Variants in PCDHA2 observed in about 807,000 individuals in gnomAD.
PCDHA2 encodes protocadherin alpha 2, also known as protocadherin alpha-2.
PCDHA2 carries 58 observed loss-of-function variants against 66.0 expected under a neutral mutation model. The observed-to-expected ratio is 0.88, with a 90% CI of 0.71 to 1.09. The LOEUF is 1.09. Ranked by LOEUF, PCDHA2 falls within the 50% of genes least tolerant of loss-of-function variation. The pLI is 0.00. For synonymous variants in PCDHA2, 634 were observed against 554.0 expected (o/e 1.14, Z -2.03); for missense variants, 1,267 against 1,242.3 (o/e 1.02, Z -0.30).
chr5:140,824,610 G>GTTTGT (rs1768197195), intron 1 of PCDHA2: 2 of 95,104 alleles, frequency 2.1e-5, no homozygotes, highest in African/African-American at 4.9e-5. Context: ...GCTAATTAAA[G>GTTTGT]TTTTTTTTTT....
chr5:140,807,709 A>C, intron 1 of PCDHA2: 1 of 1,614,254 alleles, frequency 6.2e-7, no homozygotes, highest in Non-Finnish European at 8.5e-7. Flanking sequence ...GACTGAGCCC[A>C]AATGAATACT....
chr5:140,876,953 T>G (rs1455444799), intron 1 of PCDHA2: 6 of 1,613,306 alleles, frequency 3.7e-6, no homozygotes, highest in African/African-American at 1.3e-5. Flanking sequence ...TCCTACTCGC[T>G]GGTGGAGCGG....
chr5:140,927,733 C>T (rs782446148), intron 1 of PCDHA2: 7 of 1,614,198 alleles, frequency 4.3e-6, no homozygotes, highest in South Asian at 2.2e-5. Context: ...AGCAGAGCTG[C>T]GACACCGCTT....
intron 1 of PCDHA2, among the ~76,000 whole-genome samples, chr5:140,879,173 G>A (rs1010561937): frequency 6.6e-6 from 1 of 152,278 alleles, no homozygotes; most frequent in Non-Finnish European, 1.5e-5. Context: ...AATAAATTAG[G>A]TATCAAGTAA....
intron 1 of PCDHA2, among the ~76,000 whole-genome samples, chr5:140,902,203 CT>C (rs148688132): frequency 0.19 from 23,745 of 124,094 alleles, 1,540 homozygotes; most frequent in African/African-American, 0.29. Flanking sequence ...CTCTCTCTTT[CT>C]TTTTTTTTTT....
intron 1 of PCDHA2, chr5:140,883,589 G>C (rs782300348): frequency 6.2e-7 from 1 of 1,614,014 alleles, no homozygotes; most frequent in Non-Finnish European, 8.5e-7. Context: ...CACGGCCAGC[G>C]TGTCGGTGGG....
chr5:140,867,871 A>G (rs1450375674), intron 1 of PCDHA2: 1 of 152,152 alleles, frequency 6.6e-6, no homozygotes, highest in Non-Finnish European at 1.5e-5. Flanking sequence ...TTAATTTTCT[A>G]TGTTTTAAGC....
chr5:140,869,287 C>T, intron 1 of PCDHA2: 1 of 1,613,538 alleles, frequency 6.2e-7, no homozygotes, highest in Non-Finnish European at 8.5e-7. Context: ...GCTGGTGCAG[C>T]GCCTGTTCCG....
rs76033389 is a variant in PCDHA2, at chr5:140,874,549, G to A, written c.2388+77197G>A. Among the ~76,000 whole-genome samples, 707 of 152,298 alleles carry A rather than the reference G, an allele frequency of 4.6e-3. 3 individuals are homozygous for A. The highest frequency in any genetic ancestry group is 0.016 in the African/African-American group (683 of 41,566). On this transcript the variant is annotated intron_variant, in intron 1 of 3. Transcript: ENST00000526136. ...GATTAGGCTCCAAAACCCTTTAAGA[G>A]ATCTTTCGCATTTTAGTGCTCCATT...
At chr5:140,966,360 A>T (rs1169207709) in intron 1 of PCDHA2, 1 of 400,440 alleles carries the variant, frequency 2.5e-6, no homozygotes, top group Non-Finnish European at 4.4e-6. Flanking sequence ...ATGGGGCTGG[A>T]GAGGCTGAGC....
intron 1 of PCDHA2, chr5:140,848,452 T>C (rs1402263047): frequency 1.3e-6 from 2 of 1,520,140 alleles, no homozygotes; most frequent in Non-Finnish European, 1.8e-6. Flanking sequence ...TTCTTCTAAT[T>C]TGGAGGCAAT....
chr5:140,807,544 G>A (rs1763960180), intron 1 of PCDHA2: 1 of 1,614,168 alleles, frequency 6.2e-7, no homozygotes, highest in Admixed American at 1.7e-5. Context: ...TTTTCCATGT[G>A]GACGTGGAGG....
chr5:140,839,881 A>G (rs1399090183), intron 1 of PCDHA2, among the ~76,000 whole-genome samples: 4 of 152,040 alleles, frequency 2.6e-5, no homozygotes, highest in African/African-American at 9.7e-5. Flanking sequence ...GATGAATAGA[A>G]TTTTGACAGA....
At chr5:140,887,059 C>G (rs1474485995) in intron 1 of PCDHA2, among the ~76,000 whole-genome samples, 1 of 151,642 alleles carries the variant, frequency 6.6e-6, no homozygotes, top group Non-Finnish European at 1.5e-5. Flanking sequence ...TATGTTCTGG[C>G]AACAAATTCA....
In PCDHA2 at chr5:140,852,077, T is replaced by C. The variant is rs1291291529; in HGVS notation, c.2388+54725T>C. 28 of 903,448 alleles carry C rather than the reference T, an allele frequency of 3.1e-5. 1 individual carries two copies. The highest frequency in any genetic ancestry group is 3.8e-5 in the Non-Finnish European group (28 of 741,468). The allele number at this position is 903,448 out of a possible 1,614,324, so 56.0% of individuals were successfully genotyped here. ...ATATTTTTCTTTCTCTTTCAGCTAT[T>C]TTATTTAATATTGTGTCAGATATTT... is the stretch of plus-strand genomic sequence containing the variant. On this transcript the variant is annotated intron_variant, in intron 1 of 3. Coordinates refer to ENST00000526136, the MANE Select transcript of PCDHA2 (RefSeq NM_018905.3).
chr5:140,938,477 A>T (rs2092083791), intron 1 of PCDHA2, among the ~76,000 whole-genome samples: 1 of 152,178 alleles, frequency 6.6e-6, no homozygotes, highest in Non-Finnish European at 1.5e-5. Flanking sequence ...TATGTTTTTT[A>T]AAAATCATGA....
At chr5:140,919,359 G>T (rs188480486) in intron 1 of PCDHA2, among the ~76,000 whole-genome samples, 3 of 152,146 alleles carry the variant, frequency 2.0e-5, no homozygotes, top group African/African-American at 7.2e-5. Context: ...ATCTAAAAGT[G>T]TCTCCTGCAG....
chr5:140,992,393 A>G (rs2097508684), intron 3 of PCDHA2, among the ~76,000 whole-genome samples: 1 of 152,180 alleles, frequency 6.6e-6, no homozygotes, highest in African/African-American at 2.4e-5. Context: ...TTCTGGACTT[A>G]GAGATATTGT....
At chr5:140,857,569 G>T (rs1554150250) in intron 1 of PCDHA2, 3 of 1,596,900 alleles carry the variant, frequency 1.9e-6, no homozygotes, top group South Asian at 1.1e-5. Context: ...CGAGCTACGT[G>T]TCGGTGCACG....
Sources: allele counts gnomAD v4.1 joint callset (sites outside exome capture counted in the v4.1 genomes callset), GRCh38; gene constraint gnomAD v4.1.1; transcripts MANE v1.5; gene names NCBI Gene and HGNC (gene_info 2026-07-23, HGNC 2026-07-21).